Variants in SPATA13 observed in about 807,000 individuals in gnomAD.
SPATA13 encodes spermatogenesis-associated protein 13.
In SPATA13, 50 loss-of-function variants were observed where a neutral mutation model predicts 104.0. The ratio of observed to expected loss-of-function variants is 0.48; its 90% CI spans 0.38 to 0.61. The LOEUF is 0.61. Among genes scored for constraint, SPATA13 ranks in the 20% least tolerant of loss-of-function variants. The probability of loss-of-function intolerance (pLI) is 0.00; values close to 1 mark genes in which losing one functional copy is unlikely to be tolerated. For synonymous variants in SPATA13, 606 were observed against 667.5 expected, an observed-to-expected ratio of 0.91 and a Z score of 1.42; for missense variants, 1,524 against 1,690.6, an observed-to-expected ratio of 0.90 and a Z score of 1.73.
intron 2 of SPATA13, among the ~76,000 whole-genome samples, chr13:23,989,399 G>A (rs140363959): frequency 9.2e-5 from 14 of 151,708 alleles, no homozygotes; most frequent in African/African-American, 2.9e-4. Context: ...TCCAGCCTGG[G>A]TGACAGAGTG....
rs150462396 is a variant in SPATA13, at chr13:24,231,438, C to T, written c.1653+6856C>T. ...CATAGAGCATGATCAGTGCTTCCTT[C>T]CTTGTTAAGGCTGCGTAATATTTCA... is the stretch of plus-strand genomic sequence containing the variant. On this transcript the variant is annotated intron_variant, in intron 2 of 12. Coordinates refer to ENST00000382108, the MANE Select transcript of SPATA13 (RefSeq NM_001166271.3). Among the ~76,000 whole-genome samples, 81 of 152,326 alleles carry T rather than the reference C, an allele frequency of 5.3e-4. 1 individual carries two copies. Among genetic ancestry groups the T allele is most frequent in the African/African-American group, 1.8e-3 (74 of 41,564 alleles).
chr13:24,016,114 C>T (rs75807955), intron 2 of SPATA13, among the ~76,000 whole-genome samples: 315 of 152,236 alleles, frequency 2.1e-3, no homozygotes, highest in African/African-American at 6.5e-3. Flanking sequence ...TGGCAGGACT[C>T]GGGACTCTGC....
At chr13:24,124,892 T>C (rs1430061490) in intron 3 of SPATA13, among the ~76,000 whole-genome samples, 2 of 152,170 alleles carry the variant, frequency 1.3e-5, no homozygotes, top group East Asian at 3.8e-4. Flanking sequence ...TTTTTTTCTA[T>C]CACAGCCTGC....
intron 2 of SPATA13, among the ~76,000 whole-genome samples, chr13:24,227,990 T>C (rs1872041799): frequency 6.6e-6 from 1 of 152,056 alleles, no homozygotes; most frequent in South Asian, 2.1e-4. Context: ...CTGCAACCTC[T>C]ATCTCCCGGG....
At chr13:24,013,828 C>G (rs2137689365) in intron 2 of SPATA13, among the ~76,000 whole-genome samples, 1 of 151,586 alleles carries the variant, frequency 6.6e-6, no homozygotes, top group East Asian at 2.0e-4. Context: ...TGCATACAGT[C>G]AATAGCCGTT....
intron 3 of SPATA13, among the ~76,000 whole-genome samples, chr13:24,150,148 G>A (rs1163015473): frequency 6.6e-6 from 1 of 152,122 alleles, no homozygotes; most frequent in African/African-American, 2.4e-5. Flanking sequence ...AGAACATGGT[G>A]GGCCAGACCC....
intron 1 of SPATA13, among the ~76,000 whole-genome samples, chr13:24,173,454 A>G (rs1883079120): frequency 6.7e-6 from 1 of 149,390 alleles, no homozygotes; most frequent in African/African-American, 2.5e-5. Flanking sequence ...TACAAATGGA[A>G]TGGCTTTATT....
chr13:24,082,845 A>C (rs1462216576), intron 3 of SPATA13, among the ~76,000 whole-genome samples: 2 of 150,906 alleles, frequency 1.3e-5, no homozygotes, highest in Non-Finnish European at 3.0e-5. Flanking sequence ...AAAAAAAAAA[A>C]AAAAAAAAAT....
intron 3 of SPATA13, among the ~76,000 whole-genome samples, chr13:24,052,204 T>A (rs1289322540): frequency 1.3e-5 from 2 of 152,166 alleles, no homozygotes; most frequent in South Asian, 4.1e-4. Context: ...GAGCTCCAAG[T>A]CTTTATTTCT....
chr13:24,151,451 CAAT>C (rs1052813095), intron 3 of SPATA13, among the ~76,000 whole-genome samples: 1 of 152,170 alleles, frequency 6.6e-6, no homozygotes, highest in African/African-American at 2.4e-5. Flanking sequence ...ATGCACTAGA[CAAT>C]AATAATGGCT....
At chr13:24,200,789 A>C (rs1219119257) in intron 1 of SPATA13, among the ~76,000 whole-genome samples, 5 of 151,806 alleles carry the variant, frequency 3.3e-5, no homozygotes, top group Non-Finnish European at 2.9e-5. Context: ...GGGTCATAAA[A>C]ATCTCACAAT....
intron 1 of SPATA13, among the ~76,000 whole-genome samples, chr13:24,190,283 A>T (rs1566141602): frequency 0.033 from 395 of 12,040 alleles, 154 homozygotes; most frequent in Admixed American, 0.051. Context: ...ATTATATATA[A>T]TATATAATAT....
At chr13:24,126,819 C>T (rs1452917422) in intron 3 of SPATA13, among the ~76,000 whole-genome samples, 1 of 152,138 alleles carries the variant, frequency 6.6e-6, no homozygotes, top group Non-Finnish European at 1.5e-5. Flanking sequence ...GGCCTGTCAG[C>T]TTGGGGATTT....
chr13:24,017,103 C>G (rs527739937), intron 2 of SPATA13, among the ~76,000 whole-genome samples: 2 of 152,124 alleles, frequency 1.3e-5, no homozygotes, highest in African/African-American at 4.8e-5. Context: ...CAGCCCTGGG[C>G]CAGGGCAGAG....
At chr13:24,049,855 G>A (rs1205053152) in intron 3 of SPATA13, among the ~76,000 whole-genome samples, 3 of 152,096 alleles carry the variant, frequency 2.0e-5, no homozygotes, top group Non-Finnish European at 4.4e-5. Context: ...CTTTCCATTT[G>A]CAGACATTTT....
intron 3 of SPATA13, among the ~76,000 whole-genome samples, chr13:24,035,872 G>A (rs1877661074): frequency 6.6e-6 from 1 of 151,960 alleles, no homozygotes; most frequent in Admixed American, 6.6e-5. Context: ...AAATTAGCAG[G>A]GTGATCATGG....
chr13:24,122,334 A>C, intron 3 of SPATA13: 1 of 1,459,904 alleles, frequency 6.8e-7, no homozygotes, highest in Non-Finnish European at 9.6e-7. Context: ...TTTGAAAGAT[A>C]GCTTTAAATA....
At position 24,198,241 on chromosome 13, in the gene SPATA13, C is replaced by G. The variant is rs183770563; in HGVS notation, c.-111-24578C>G. ...AACTCCTGACCTTGTGATCTGCCCCCCTTGGCCTCCCAAAGTGCTGAGATT... is the reference window on the plus strand; with the variant it reads ...AACTCCTGACCTTGTGATCTGCCCCGCTTGGCCTCCCAAAGTGCTGAGATT... On this transcript the variant is annotated intron_variant, in intron 1 of 12. Transcript: ENST00000382108. Among the ~76,000 whole-genome samples the G allele has an allele frequency of 1.5e-3, 221 of 152,272 alleles. 1 individual carries two copies. The highest frequency in any genetic ancestry group is 5.0e-3 in the African/African-American group (207 of 41,522).
At chr13:24,134,829 T>C (rs4770600) in intron 3 of SPATA13, among the ~76,000 whole-genome samples, 79,423 of 151,760 alleles carry the variant, frequency 0.52, 21,072 homozygotes, top group Admixed American at 0.6. Context: ...ATTTTGCATG[T>C]TGAAGTCCTA....
Sources: allele counts gnomAD v4.1 joint callset (sites outside exome capture counted in the v4.1 genomes callset), GRCh38; gene constraint gnomAD v4.1.1; transcripts MANE v1.5; gene names NCBI Gene and HGNC (gene_info 2026-07-23, HGNC 2026-07-21).